SDK1: variants seen among roughly 807,000 people sequenced by gnomAD.
SDK1 encodes the protein sidekick cell adhesion molecule 1.
A neutral mutation model predicts 245.5 loss-of-function variants in SDK1; 157 were observed. That is an observed-to-expected ratio of 0.64 (90% CI 0.56 to 0.73). The LOEUF (loss-of-function observed/expected upper bound fraction) is 0.73, where lower values mean the gene tolerates loss of function less well. Ranked by LOEUF, SDK1 falls within the 30% of genes least tolerant of loss-of-function variation. The pLI is 0.00. For missense variants in SDK1, 3,583 were observed against 3,002.3 expected (o/e 1.19, Z -4.52); for synonymous variants, 1,647 against 1,278.5 (o/e 1.29, Z -6.15).
At chr7:3,448,408 T>G (rs768391465) in intron 1 of SDK1, among the ~76,000 whole-genome samples, 7 of 152,172 alleles carry the variant, frequency 4.6e-5, no homozygotes, top group Non-Finnish European at 1.0e-4. Flanking sequence ...ATTAACTGTT[T>G]GGTTATTTAT....
chr7:3,723,658 T>TTGTGTGTGTGTGTGTG (rs139688945), intron 4 of SDK1, among the ~76,000 whole-genome samples: 2 of 134,112 alleles, frequency 1.5e-5, no homozygotes, highest in African/African-American at 6.1e-5. Context: ...TAAGTAAAAG[T>TTGTGTGTGTGTGTGTG]TGTGTGTGTG....
chr7:3,809,176 G>C (rs775188495), intron 4 of SDK1, among the ~76,000 whole-genome samples: 1 of 152,102 alleles, frequency 6.6e-6, no homozygotes, highest in African/African-American at 2.4e-5. Context: ...GAGGAGGCGC[G>C]CTACATGGCG....
chr7:3,808,277 C>A (rs1779300279), intron 4 of SDK1, among the ~76,000 whole-genome samples: 1 of 152,174 alleles, frequency 6.6e-6, no homozygotes, highest in Non-Finnish European at 1.5e-5. Flanking sequence ...CATGGTGCCC[C>A]TTCTGAGAAG....
At chr7:4,217,504 GGAGCACCACA>G (rs1784892449) in intron 38 of SDK1, among the ~76,000 whole-genome samples, 1 of 104,222 alleles carries the variant, frequency 9.6e-6, no homozygotes, top group Non-Finnish European at 2.0e-5. Context: ...CACACCACCC[GGAGCACCACA>G]CCACCCGGAG....
chr7:4,267,282 C>A lies in SDK1; in HGVS notation c.*1898C>A. 1 of 586,894 alleles carries A rather than the reference C, an allele frequency of 1.7e-6. No individual in the cohort carries two copies. The highest frequency in any genetic ancestry group is 2.1e-6 in the Non-Finnish European group (1 of 470,026). The allele number at this position is 586,894 out of a possible 1,614,324, so 36.4% of individuals were successfully genotyped here. On this transcript the variant is annotated 3_prime_UTR_variant, in exon 45 of 45. Coordinates refer to ENST00000404826, the MANE Select transcript of SDK1 (RefSeq NM_152744.4). The stretch of plus-strand genomic sequence containing the variant: ...CCTCCTTCCCTCCCTTCCTTCCTCT[C>A]TTTCCTCCTTCCTTCCCTCCCTTCT...
intron 5 of SDK1, among the ~76,000 whole-genome samples, chr7:3,897,989 T>A (rs1008998179): frequency 6.6e-6 from 1 of 152,080 alleles, no homozygotes; most frequent in African/African-American, 2.4e-5. Flanking sequence ...TTTCCTTCCA[T>A]GTGTGCACAG....
At chr7:3,951,064 A>T in intron 6 of SDK1, 30 bp downstream of exon 6, 1 of 1,465,968 alleles carries the variant, frequency 6.8e-7, no homozygotes, top group Non-Finnish European at 9.6e-7. Flanking sequence ...TGAGACTCCT[A>T]GTAAATATTC....
At chr7:3,658,806 T>C (rs373871691) in intron 4 of SDK1, among the ~76,000 whole-genome samples, 6 of 152,058 alleles carry the variant, frequency 3.9e-5, no homozygotes, top group African/African-American at 7.2e-5. Flanking sequence ...TTAGTAGATA[T>C]GTGGTTTCGC....
At chr7:4,102,014 AGGAAAGACAAAACAAACGACAACCC>A (rs1423706268) in intron 22 of SDK1, among the ~76,000 whole-genome samples, 2 of 152,202 alleles carry the variant, frequency 1.3e-5, no homozygotes, top group Non-Finnish European at 2.9e-5. Flanking sequence ...AATATTAAAC[AGGAAAGACAAAACAAACGACAACCC>A]GGAAAGACAG....
At chr7:4,036,962 A>G (rs1788267493) in intron 17 of SDK1, among the ~76,000 whole-genome samples, 1 of 152,188 alleles carries the variant, frequency 6.6e-6, no homozygotes, top group South Asian at 2.1e-4. Flanking sequence ...GCATTCACTC[A>G]GGTGCCCAAA....
rs989411466 is a variant in SDK1, at chr7:4,220,013, A to G, written c.5540-96A>G. ...AAGAAATACTTCCTTAGCAAACTGC[A>G]GGGACCACTTTCCTTGTTATCGCAA... On this transcript the variant is annotated intron_variant, in intron 38 of 44. Coordinates refer to ENST00000404826, the MANE Select transcript of SDK1 (RefSeq NM_152744.4). 4 of 1,423,140 alleles carry G rather than the reference A, an allele frequency of 2.8e-6. No individual in the cohort carries two copies. The African/African-American group carries it at 4.3e-5, about 15-fold the overall frequency. 88.2% of individuals were successfully genotyped at this position (1,423,140 alleles called of 1,614,324 possible). A position where few individuals can be genotyped will look rare whatever the true frequency, so the allele number is the denominator to read the frequency against.
At position 3,455,687 on chromosome 7, in the gene SDK1, T is replaced by C. The variant is rs930679900; in HGVS notation, c.298+153803T>C. Reference sequence around the variant, plus strand: ...ACACAGTTTTGATTATGGAGCTATATGGTAGGCCTTAGTATTGGATAGAGT... The same window carrying C: ...ACACAGTTTTGATTATGGAGCTATACGGTAGGCCTTAGTATTGGATAGAGT... On this transcript the variant is annotated intron_variant, in intron 1 of 44. Coordinates refer to ENST00000404826, the MANE Select transcript of SDK1 (RefSeq NM_152744.4). Among the ~76,000 whole-genome samples, 5 of 152,202 alleles carry C rather than the reference T, an allele frequency of 3.3e-5. No homozygotes were observed. In the East Asian group the frequency reaches 9.6e-4, roughly 29 times the overall value.
rs1018526955 is a variant in SDK1 at position 3,413,380 on chromosome 7, T to C, written c.298+111496T>C. Among the ~76,000 whole-genome samples the C allele has an allele frequency of 1.2e-4, 18 of 152,166 alleles. 1 individual carries two copies. Among genetic ancestry groups the C allele is most frequent in the Non-Finnish European group, 5.9e-5 (4 of 68,036 alleles). On this transcript the variant is annotated intron_variant, in intron 1 of 44. Transcript: ENST00000404826. ...TGCAAGATTTCAAATATGGATGTGATGTTGAGATTTACTTGTTAAAAAGAT... is the reference window on the plus strand; with the variant it reads ...TGCAAGATTTCAAATATGGATGTGACGTTGAGATTTACTTGTTAAAAAGAT...
intron 14 of SDK1, among the ~76,000 whole-genome samples, chr7:3,992,490 G>A (rs559118083): frequency 2.0e-5 from 3 of 152,194 alleles, no homozygotes; most frequent in Admixed American, 6.5e-5. Flanking sequence ...TGGCGGATGA[G>A]GGAAGCCTGG....
chr7:3,659,627 A>C (rs953638897), intron 4 of SDK1, among the ~76,000 whole-genome samples: 5 of 152,090 alleles, frequency 3.3e-5, no homozygotes, highest in African/African-American at 1.2e-4. Context: ...GAAACGAGTG[A>C]ATTTTCTCCA....
At chr7:4,139,069 G>A (rs1198651589) in intron 28 of SDK1, among the ~76,000 whole-genome samples, 1 of 152,220 alleles carries the variant, frequency 6.6e-6, no homozygotes, top group African/African-American at 2.4e-5. Context: ...CATGTGTTGG[G>A]GACGAGGCTA....
At chr7:3,732,359 C>G (rs1322807594) in intron 4 of SDK1, among the ~76,000 whole-genome samples, 1 of 152,102 alleles carries the variant, frequency 6.6e-6, no homozygotes, top group Non-Finnish European at 1.5e-5. Context: ...TTATTTGGAG[C>G]TTTTTTAGGT....
intron 4 of SDK1, among the ~76,000 whole-genome samples, chr7:3,662,063 T>C (rs1783380840): frequency 7.5e-6 from 1 of 134,004 alleles, no homozygotes; most frequent in Admixed American, 7.7e-5. Flanking sequence ...TTTTTTTTTT[T>C]TGGTGTTCCC....
At position 4,112,721 on chromosome 7, in the gene SDK1, A is replaced by C. The variant is rs74610730; in HGVS notation, c.3435-568A>C. Among the ~76,000 whole-genome samples, 810 of 151,976 alleles carry C rather than the reference A, an allele frequency of 5.3e-3. 6 individuals are homozygous for C. The highest frequency in any genetic ancestry group is 0.018 in the African/African-American group (762 of 41,428). On this transcript the variant is annotated intron_variant, in intron 23 of 44. Coordinates refer to ENST00000404826, the MANE Select transcript of SDK1 (RefSeq NM_152744.4). ...CTGATGTACCTGTACCTTTCTTTGAAGTCTTTTAGGGGAAAAAGGGCACAT... is the reference window on the plus strand; with the variant it reads ...CTGATGTACCTGTACCTTTCTTTGACGTCTTTTAGGGGAAAAAGGGCACAT...
Sources: allele counts gnomAD v4.1 joint callset (sites outside exome capture counted in the v4.1 genomes callset), GRCh38; gene constraint gnomAD v4.1.1; transcripts MANE v1.5; gene names NCBI Gene and HGNC (gene_info 2026-07-23, HGNC 2026-07-21).